The following CENPK variants were observed in gnomAD, a reference collection of about 807,000 sequenced individuals.
The protein encoded by CENPK is centromere protein K.
A neutral mutation model predicts 40.9 loss-of-function variants in CENPK; 46 were observed. That is an observed-to-expected ratio of 1.13 (90% confidence interval 0.89 to 1.44). The LOEUF (loss-of-function observed/expected upper bound fraction) is 1.44, where lower values mean the gene tolerates loss of function less well. CENPK is among the 40% of genes most tolerant of loss of function. CENPK has a pLI of 0.00. For synonymous variants in CENPK, 107 were observed against 104.4 expected, an observed-to-expected ratio of 1.02 and a Z score of -0.15; for missense variants, 288 against 303.5, an observed-to-expected ratio of 0.95 and a Z score of 0.38.
intron 2 of CENPK, among the ~76,000 whole-genome samples, chr5:65,559,797 G>A (rs1005900904): frequency 6.6e-6 from 1 of 152,022 alleles, no homozygotes; most frequent in Non-Finnish European, 1.5e-5. Flanking sequence ...AGCCTTTCTT[G>A]ACTTTCTATA....
chr5:65,546,389 C>T (rs1380256209), intron 5 of CENPK, among the ~76,000 whole-genome samples: 1 of 152,118 alleles, frequency 6.6e-6, no homozygotes, highest in Non-Finnish European at 1.5e-5. Flanking sequence ...ATCAAATATG[C>T]TCCATTCAAT....
intron 4 of CENPK, 129 bp downstream of exon 4, chr5:65,552,364 C>T: frequency 8.1e-6 from 4 of 492,278 alleles, no homozygotes; most frequent in South Asian, 7.6e-5. Context: ...AGAAGTTTTC[C>T]AAATGATTAA....
At position 65,518,515 on chromosome 5, in the gene CENPK, T is replaced by A; in HGVS notation, c.770A>T (p.Glu257Val). ...TTCTAATCTTATTCGGGTTGGATCT[T>A]CTGGATGTCTCAAGGCAATTCCATT... ...LRNGIALRHP[E>V]DPTRIRLEAF... The change falls in exon 11 of 11, where the codon GAA becomes GTA. Residue 257 changes from glutamate (E) to valine (V), a missense_variant. Coordinates refer to ENST00000396679, the MANE Select transcript of CENPK (RefSeq NM_022145.5). The A allele has an allele frequency of 6.2e-7, 1 of 1,612,898 alleles. No homozygotes were observed. The highest frequency in any genetic ancestry group is 1.1e-5 in the South Asian group (1 of 90,718).
At chr5:65,496,392 A>G in the CENPK span, among the ~76,000 whole-genome samples, 98,322 of 152,052 alleles carry the variant, frequency 0.65, 32,211 homozygotes, top group African/African-American at 0.72. Context: ...CAATAATAGA[A>G]AAATTGTTAA....
In CENPK at chr5:65,528,971, T is replaced by C. The variant is rs1325715984; in HGVS notation, c.418A>G (p.Asn140Asp). 4 of 1,610,692 alleles carry C rather than the reference T, an allele frequency of 2.5e-6. No homozygotes were observed. In the South Asian group the frequency reaches 3.3e-5, roughly 13 times the overall value. The stretch of plus-strand genomic sequence containing the variant: ...TTTTTCAATTCACTGTGTAGTACAT[T>C]AAGAGATTCCATTATCTGTTGCTGT... ...DEQQQIMESL[N>D]VLHSELKNKV... Residue 140 changes from asparagine (N) to aspartate (D), a missense_variant, in exon 8 of 11, where the codon AAT (asparagine) becomes GAT (aspartate). By Grantham distance (23) the Asn-to-Asp change is conservative (BLOSUM62 1). Transcript: ENST00000396679.
At chr5:65,545,233 C>T (rs1748676851) in intron 5 of CENPK, among the ~76,000 whole-genome samples, 1 of 151,466 alleles carries the variant, frequency 6.6e-6, no homozygotes. Context: ...TGAGTGACTC[C>T]TAAGTAAGAT....
the CENPK span, among the ~76,000 whole-genome samples, chr5:65,499,266 C>A: frequency 2.0e-5 from 3 of 148,346 alleles, no homozygotes; most frequent in Non-Finnish European, 4.4e-5. Flanking sequence ...ATTTCCCCCT[C>A]ATTCCTAAGG....
the CENPK span, among the ~76,000 whole-genome samples, chr5:65,508,556 G>A: frequency 6.6e-6 from 1 of 152,228 alleles, no homozygotes; most frequent in Admixed American, 6.5e-5. Flanking sequence ...AGGCTGAGGC[G>A]GGTGGATCAC....
At chr5:65,512,282 T>C in the CENPK span, among the ~76,000 whole-genome samples, 2 of 152,240 alleles carry the variant, frequency 1.3e-5, no homozygotes, top group African/African-American at 4.8e-5. Flanking sequence ...ATTGTTGATA[T>C]GGCAGTGGCA....
the CENPK span, among the ~76,000 whole-genome samples, chr5:65,508,130 T>C: frequency 6.6e-6 from 1 of 152,214 alleles, no homozygotes; most frequent in Admixed American, 6.5e-5. Context: ...ACTATAAAGG[T>C]ACTATATTTC....
chr5:65,497,502 G>A, the CENPK span, among the ~76,000 whole-genome samples: 1 of 152,200 alleles, frequency 6.6e-6, no homozygotes, highest in African/African-American at 2.4e-5. Flanking sequence ...AAGAGCAACA[G>A]AATGACAGCA....
chr5:65,537,349 G>C (rs1484328588), intron 6 of CENPK, among the ~76,000 whole-genome samples: 1 of 152,120 alleles, frequency 6.6e-6, no homozygotes, highest in African/African-American at 2.4e-5. Flanking sequence ...CTGTCATCCA[G>C]GCTGGAGTCC....
chr5:65,521,577 A>AG, intron 9 of CENPK, 49 bp from the exon 10 acceptor site: 1 of 1,196,362 alleles, frequency 8.4e-7, no homozygotes, highest in Non-Finnish European at 1.2e-6. Flanking sequence ...ACTTCTGCCA[A>AG]TGGTGAAATA....
intron 6 of CENPK, among the ~76,000 whole-genome samples, chr5:65,537,628 T>C (rs1358539497): frequency 1.3e-5 from 2 of 152,214 alleles, no homozygotes; most frequent in Non-Finnish European, 2.9e-5. Context: ...AAATAAATTA[T>C]CCAGTCTGTG....
chr5:65,532,356 C>G (rs1381115812), intron 6 of CENPK, among the ~76,000 whole-genome samples: 2 of 152,066 alleles, frequency 1.3e-5, no homozygotes, highest in Non-Finnish European at 2.9e-5. Flanking sequence ...AATTACTATT[C>G]TATACAAACT....
intron 6 of CENPK, among the ~76,000 whole-genome samples, chr5:65,534,050 C>CAA (rs60018569): frequency 0.04 from 3,683 of 90,978 alleles, 324 homozygotes; most frequent in African/African-American, 0.15. Context: ...ACCGTCTCAA[C>CAA]AAAAAAAAAA....
rs1411927803 is a variant in CENPK, at chr5:65,554,919, T to G, written c.-12A>C. 3 of 1,469,732 alleles carry G rather than the reference T, an allele frequency of 2.0e-6. No individual in the cohort carries two copies. The highest frequency in any genetic ancestry group is 1.8e-5 in the Admixed American group (1 of 56,264). The allele number at this position is 1,469,732 out of a possible 1,614,324, so 91.0% of individuals were successfully genotyped here. A position where few individuals can be genotyped will look rare whatever the true frequency, so the allele number is the denominator to read the frequency against. On this transcript the variant is annotated 5_prime_UTR_variant, in exon 3 of 11. Coordinates refer to ENST00000396679, the MANE Select transcript of CENPK (RefSeq NM_022145.5). ...TCCTCCTGATTCATTGATATATGCT[T>G]TGTGAATTTTTAGCCTTATAAGAAA...
At chr5:65,558,802 C>T (rs1162201939) in intron 2 of CENPK, among the ~76,000 whole-genome samples, 1 of 152,062 alleles carries the variant, frequency 6.6e-6, no homozygotes, top group Non-Finnish European at 1.5e-5. Context: ...AGAACATAAT[C>T]ACTAGGGGAA....
At chr5:65,524,737 A>G (rs1305572578) in intron 9 of CENPK, 2 of 154,184 alleles carry the variant, frequency 1.3e-5, no homozygotes, top group African/African-American at 4.8e-5. Context: ...TGAAGGCTAA[A>G]TATAAATGGC....
Sources: gnomAD v4.1 joint callset for allele counts (sites outside exome capture counted in the v4.1 genomes callset) on GRCh38, gnomAD v4.1.1 for gene constraint, MANE v1.5 for transcripts, NCBI Gene and HGNC (gene_info 2026-07-23, HGNC 2026-07-21) for gene names.